The following GVQW3 variants were observed in gnomAD, a reference collection of about 807,000 sequenced individuals.
GVQW3 encodes GVQW motif containing 3.
A neutral mutation model predicts 12.5 loss-of-function variants in GVQW3; 7 were observed. The ratio of observed to expected loss-of-function variants is 0.56; its 90% CI spans 0.32 to 1.05. GVQW3 has a LOEUF of 1.05. Among genes scored for constraint, GVQW3 ranks in the 50% least tolerant of loss-of-function variants. The pLI is 0.04. For synonymous variants in GVQW3, 71 were observed against 67.2 expected, an observed-to-expected ratio of 1.06 and a Z score of -0.28; for missense variants, 188 against 190.8, an observed-to-expected ratio of 0.99 and a Z score of 0.09.
chr11:76,398,376 A>G (rs12288488), intron 1 of GVQW3, among the ~76,000 whole-genome samples: 15,230 of 152,104 alleles, frequency 0.1, 970 homozygotes, highest in African/African-American at 0.17. Flanking sequence ...CAGTGGCTCA[A>G]TCTTAGCTCA....
chr11:76,388,303 T>G (rs1331023859), intron 1 of GVQW3, among the ~76,000 whole-genome samples: 1 of 152,226 alleles, frequency 6.6e-6, no homozygotes, highest in Non-Finnish European at 1.5e-5. Flanking sequence ...ATATATGTAT[T>G]ACAGATACAT....
At chr11:76,410,275 G>A (rs915447607), downstream of GVQW3, among the ~76,000 whole-genome samples, 123 of 152,126 alleles carry the variant, frequency 8.1e-4, no homozygotes, top group Admixed American at 8.0e-3. Flanking sequence ...TATCTGAGGT[G>A]GCTCAGTAAG....
At chr11:76,384,189 T>C (rs1000203085) in intron 1 of GVQW3, among the ~76,000 whole-genome samples, 6 of 152,256 alleles carry the variant, frequency 3.9e-5, no homozygotes, top group African/African-American at 1.4e-4. Context: ...TTTTTAGATA[T>C]AACAGCTCCT....
chr11:76,398,830 T>G (rs1482153965), intron 1 of GVQW3, among the ~76,000 whole-genome samples: 1 of 152,226 alleles, frequency 6.6e-6, no homozygotes, highest in Non-Finnish European at 1.5e-5. Flanking sequence ...TTCTGTGAGG[T>G]AAACTAACTG....
chr11:76,382,365 T>TC (rs763770042), intron 1 of GVQW3, 72 bp downstream of exon 1: 2 of 960,330 alleles, frequency 2.1e-6, no homozygotes, highest in South Asian at 2.7e-5. Flanking sequence ...CGGTATCCCA[T>TC]CCCAGAGTCC....
At chr11:76,384,247 A>G (rs982978349) in intron 1 of GVQW3, among the ~76,000 whole-genome samples, 8 of 152,226 alleles carry the variant, frequency 5.3e-5, no homozygotes, top group African/African-American at 1.9e-4. Context: ...CATTCATCAC[A>G]GTTACTTTTA....
intron 1 of GVQW3, among the ~76,000 whole-genome samples, chr11:76,393,888 GTTATTATTA>G (rs35323169): frequency 1.3e-5 from 2 of 150,620 alleles, no homozygotes; most frequent in South Asian, 2.1e-4. Context: ...TATACTCTTA[GTTATTATTA>G]TTATTATTAT....
intron 1 of GVQW3, among the ~76,000 whole-genome samples, chr11:76,399,462 A>G (rs1357228961): frequency 6.6e-6 from 1 of 152,050 alleles, no homozygotes; most frequent in Non-Finnish European, 1.5e-5. Context: ...CTGTCTTCGT[A>G]TGTTTCTCCA....
intron 1 of GVQW3, among the ~76,000 whole-genome samples, chr11:76,401,914 A>G (rs1277353594): frequency 6.6e-6 from 1 of 152,046 alleles, no homozygotes; most frequent in African/African-American, 2.4e-5. Context: ...TGTAAATGCT[A>G]TTTATTACCC....
rs1947053200 is a variant in GVQW3 at position 76,407,576 on chromosome 11, C to CACA, written c.*3819_*3820insCAA. 1 of 88,556 alleles carries CACA rather than the reference C, an allele frequency of 1.1e-5. No homozygotes were observed. Among genetic ancestry groups the CACA allele is most frequent in the Non-Finnish European group, 2.4e-5 (1 of 42,116 alleles). The allele number at this position is 88,556 out of a possible 1,614,324, so 5.5% of individuals were successfully genotyped here. On this transcript the variant is annotated 3_prime_UTR_variant, in exon 2 of 2. Coordinates refer to ENST00000529331, the MANE Select transcript of GVQW3 (RefSeq NM_001347885.2). ...TGGGCGGCAGAGCAAGACTCCCTCTCAAAAAAAAAAAAAAAAAAAAAAAAA... is the reference window on the plus strand; with the variant it reads ...TGGGCGGCAGAGCAAGACTCCCTCTCACAAAAAAAAAAAAAAAAAAAAAAAAAA...
At chr11:76,396,172 A>C (rs1946937705) in intron 1 of GVQW3, among the ~76,000 whole-genome samples, 1 of 152,106 alleles carries the variant, frequency 6.6e-6, no homozygotes, top group African/African-American at 2.4e-5. Flanking sequence ...TATCATTATC[A>C]TTATCATATG....
At chr11:76,393,801 T>C (rs896481888) in intron 1 of GVQW3, among the ~76,000 whole-genome samples, 1 of 152,168 alleles carries the variant, frequency 6.6e-6, no homozygotes, top group African/African-American at 2.4e-5. Context: ...AGGCATACAA[T>C]GTATAGCAAT....
At chr11:76,391,563 A>G (rs1177731049) in intron 1 of GVQW3, among the ~76,000 whole-genome samples, 1 of 152,186 alleles carries the variant, frequency 6.6e-6, no homozygotes, top group Non-Finnish European at 1.5e-5. Context: ...GAAAATTTGG[A>G]AAGTTTAGAA....
At position 76,395,931 on chromosome 11, in the gene GVQW3, G is replaced by A. The variant is rs73491613; in HGVS notation, c.466-7729G>A. Among the ~76,000 whole-genome samples the A allele has an allele frequency of 3.9e-3, 590 of 152,248 alleles. 5 individuals carry two copies. The highest frequency in any genetic ancestry group is 0.014 in the African/African-American group (574 of 41,536). On this transcript the variant is annotated intron_variant, in intron 1 of 1. Coordinates refer to ENST00000529331, the MANE Select transcript of GVQW3 (RefSeq NM_001347885.2). ...TTTTGCCCCAGTGTTGAGGGCACCC[G>A]AAACCTTATGAAATATGTCTTGCCA...
chr11:76,389,434 C>T (rs1946869574), intron 1 of GVQW3, among the ~76,000 whole-genome samples: 1 of 152,048 alleles, frequency 6.6e-6, no homozygotes, highest in East Asian at 1.9e-4. Flanking sequence ...GCTGGGTGGA[C>T]ACAGAGGCTA....
At position 76,405,809 on chromosome 11, in the gene GVQW3, A is replaced by T. The variant is rs1947033627; in HGVS notation, c.*2051A>T. ...GCTAGGACAACAGGTGCGTGCTACC[A>T]TGCATGGCTAATTAATTAAAAGAAT... On this transcript the variant is annotated 3_prime_UTR_variant, in exon 2 of 2. Transcript: ENST00000529331. The T allele has an allele frequency of 6.6e-6, 1 of 152,236 alleles. No homozygotes were observed. Among genetic ancestry groups the T allele is most frequent in the Non-Finnish European group, 1.5e-5 (1 of 68,100 alleles). 9.4% of individuals were successfully genotyped at this position (152,236 alleles called of 1,614,324 possible).
chr11:76,391,093 C>T (rs2134546336), intron 1 of GVQW3, among the ~76,000 whole-genome samples: 1 of 152,316 alleles, frequency 6.6e-6, no homozygotes, highest in South Asian at 2.1e-4. Flanking sequence ...TGGTGGTAGT[C>T]GGCAAGAAGC....
intron 1 of GVQW3, among the ~76,000 whole-genome samples, chr11:76,387,666 A>G (rs1212767495): frequency 6.6e-6 from 1 of 152,208 alleles, no homozygotes; most frequent in Non-Finnish European, 1.5e-5. Flanking sequence ...CATGTCTGTA[A>G]TCCTAGCACT....
chr11:76,395,722 A>T (rs1375524342), intron 1 of GVQW3, among the ~76,000 whole-genome samples: 1 of 152,228 alleles, frequency 6.6e-6, no homozygotes, highest in African/African-American at 2.4e-5. Context: ...TCTCTACTTA[A>T]CAAGCTCAAT....
Sources: gnomAD v4.1 joint callset for allele counts (sites outside exome capture counted in the v4.1 genomes callset) on GRCh38, gnomAD v4.1.1 for gene constraint, MANE v1.5 for transcripts, NCBI Gene and HGNC (gene_info 2026-07-23, HGNC 2026-07-21) for gene names.